GLIS3: variants seen among roughly 807,000 people sequenced by gnomAD.
GLIS3 encodes zinc finger protein GLIS3.
In GLIS3, 53 loss-of-function variants were observed where a neutral mutation model predicts 78.6. The ratio of observed to expected loss-of-function variants is 0.67; its 90% CI spans 0.54 to 0.85. GLIS3 has a LOEUF of 0.85. GLIS3 is among the 40% of genes least tolerant of loss of function. The pLI is 0.00. For synonymous variants in GLIS3, 684 were observed against 509.9 expected, an observed-to-expected ratio of 1.34 and a Z score of -4.60; for missense variants, 1,703 against 1,231.1, an observed-to-expected ratio of 1.38 and a Z score of -5.74.
intron 2 of GLIS3, among the ~76,000 whole-genome samples, chr9:4,146,811 CA>C (rs1232609487): frequency 3.3e-5 from 5 of 152,174 alleles, no homozygotes; most frequent in Admixed American, 1.3e-4. Flanking sequence ...TAGATAAACA[CA>C]GCAAAGAGGA....
At chr9:3,844,109 T>C (rs1025413851) in intron 9 of GLIS3, among the ~76,000 whole-genome samples, 1 of 152,192 alleles carries the variant, frequency 6.6e-6, no homozygotes, top group Non-Finnish European at 1.5e-5. Flanking sequence ...TTGTAACATG[T>C]TGCTGAGCTC....
chr9:4,215,605 T>G (rs1820758015), intron 2 of GLIS3, among the ~76,000 whole-genome samples: 1 of 152,240 alleles, frequency 6.6e-6, no homozygotes. Flanking sequence ...TGCTATCGCC[T>G]GGGTCTATTC....
At chr9:3,906,929 C>T (rs1460673525) in intron 6 of GLIS3, among the ~76,000 whole-genome samples, 4 of 152,160 alleles carry the variant, frequency 2.6e-5, no homozygotes, top group East Asian at 1.9e-4. Flanking sequence ...TCTTCCTGCC[C>T]GGAACGGACT....
intron 1 of GLIS3, among the ~76,000 whole-genome samples, chr9:4,287,674 TG>T (rs1554649032): frequency 6.6e-6 from 1 of 152,146 alleles, no homozygotes; most frequent in Non-Finnish European, 1.5e-5. Flanking sequence ...TTTTTGTGTA[TG>T]ATCCACTCAA....
chr9:4,426,106 A>G, the GLIS3 span, among the ~76,000 whole-genome samples: 1 of 152,190 alleles, frequency 6.6e-6, no homozygotes, highest in Non-Finnish European at 1.5e-5. Flanking sequence ...ACACCCATCC[A>G]TGAGTCCAGA....
In GLIS3 at chr9:4,286,078, C is replaced by A; in HGVS notation, c.348G>T (p.Gln116His). 1 of 1,613,632 alleles carries A rather than the reference C, an allele frequency of 6.2e-7. No individual in the cohort carries two copies. Among genetic ancestry groups the A allele is most frequent in the Non-Finnish European group, 8.5e-7 (1 of 1,179,770 alleles). ...GAGGAAAAGGGCTTCCAAACTCCTGCTGCTTTGGCTTTAAAGTATGTGACC... is the reference window on the plus strand; with the variant it reads ...GAGGAAAAGGGCTTCCAAACTCCTGATGCTTTGGCTTTAAAGTATGTGACC... ...MSGSHTLKPK[Q>H]QEFGSPFPPN... The change falls in exon 2 of 11, where the codon CAG becomes CAT. Residue 116 changes from glutamine (Q) to histidine (H), a missense_variant. Physicochemically the swap from Gln to His is conservative, Grantham distance 24. Transcript: ENST00000381971.
Position 3,826,401 on chromosome 9 carries a change from T to C in GLIS3, c.*1871A>G, listed in dbSNP as rs989197470. 1.3e-5 allele frequency: 2 copies of C among 152,230 alleles called. No individual in the cohort carries two copies. The highest frequency in any genetic ancestry group is 4.8e-5 in the African/African-American group (2 of 41,462). The allele number at this position is 152,230 out of a possible 1,614,324, so 9.4% of individuals were successfully genotyped here. A position where few individuals can be genotyped will look rare whatever the true frequency, so the allele number is the denominator to read the frequency against. ...AAAGTCTGCAGGAAGGGTGGTACTTTACAAGCAGCCTTGGAGTTCACTTGT... is the reference window on the plus strand; with the variant it reads ...AAAGTCTGCAGGAAGGGTGGTACTTCACAAGCAGCCTTGGAGTTCACTTGT... On this transcript the variant is annotated 3_prime_UTR_variant, in exon 11 of 11. Transcript: ENST00000381971.
At chr9:4,335,007 C>G (rs1050528953) in intron 2 of GLIS3, among the ~76,000 whole-genome samples, 1 of 142,502 alleles carries the variant, frequency 7.0e-6, no homozygotes, top group African/African-American at 2.6e-5. Flanking sequence ...CTCCCGGGTT[C>G]ATGCCATTCT....
chr9:3,997,106 G>C (rs888311124), intron 4 of GLIS3, among the ~76,000 whole-genome samples: 6 of 152,196 alleles, frequency 3.9e-5, no homozygotes, highest in Non-Finnish European at 8.8e-5. Flanking sequence ...CCAGCACTTT[G>C]GGAGGCCAAG....
intron 2 of GLIS3, among the ~76,000 whole-genome samples, chr9:4,332,306 G>A (rs907642144): frequency 1.2e-4 from 19 of 152,128 alleles, no homozygotes; most frequent in African/African-American, 4.3e-4. Flanking sequence ...TTTGGAGGCA[G>A]GGACTGTTAA....
intron 2 of GLIS3, among the ~76,000 whole-genome samples, chr9:4,148,415 C>T (rs62521758): frequency 0.25 from 37,597 of 152,008 alleles, 5,753 homozygotes; most frequent in South Asian, 0.38. Context: ...TCAAATGCTA[C>T]CTCCTCCTTG....
chr9:4,026,749 A>G (rs902867729), intron 4 of GLIS3, among the ~76,000 whole-genome samples: 10 of 152,228 alleles, frequency 6.6e-5, no homozygotes, highest in Admixed American at 3.9e-4. Flanking sequence ...ACTTCTACCA[A>G]TATCATTTTA....
the GLIS3 span, among the ~76,000 whole-genome samples, chr9:4,376,840 G>A: frequency 7.4e-6 from 1 of 135,468 alleles, no homozygotes. Context: ...TACAGGCACA[G>A]TCTTTGCAGA....
At chr9:4,165,439 C>T (rs1835806735) in intron 2 of GLIS3, among the ~76,000 whole-genome samples, 1 of 152,208 alleles carries the variant, frequency 6.6e-6, no homozygotes. Context: ...GAAACTCCGT[C>T]TCAAAGACAA....
At chr9:3,887,581 G>C (rs1743107459) in intron 7 of GLIS3, among the ~76,000 whole-genome samples, 1 of 152,126 alleles carries the variant, frequency 6.6e-6, no homozygotes, top group South Asian at 2.1e-4. Flanking sequence ...CTTCTGCGTA[G>C]GCTGCTCAAT....
At chr9:4,284,773 C>A (rs929562645) in intron 2 of GLIS3, among the ~76,000 whole-genome samples, 2 of 151,606 alleles carry the variant, frequency 1.3e-5, no homozygotes, top group South Asian at 4.2e-4. Flanking sequence ...AAAAAATTAG[C>A]CAGGCGTTGT....
intron 4 of GLIS3, among the ~76,000 whole-genome samples, chr9:3,987,725 G>C (rs56108584): frequency 1.8e-4 from 5 of 28,470 alleles, no homozygotes; most frequent in Admixed American, 4.5e-4. Flanking sequence ...GAAAAGAAAA[G>C]AAAAGAAATA....
rs562171760 is a variant in GLIS3, at chr9:4,091,672, C to T, written c.1710+26096G>A. Among the ~76,000 whole-genome samples, 5 of 152,186 alleles carry T rather than the reference C, an allele frequency of 3.3e-5. 1 individual carries two copies. The highest frequency in any genetic ancestry group is 9.6e-5 in the African/African-American group (4 of 41,512). On this transcript the variant is annotated intron_variant, in intron 4 of 10. Coordinates refer to ENST00000381971, the MANE Select transcript of GLIS3 (RefSeq NM_001042413.2). ...CGTATGGCGAGCATCCCCCTTCGCTCGACTCTCACTTCTCCTTCCTGCCAC... is the reference window on the plus strand; with the variant it reads ...CGTATGGCGAGCATCCCCCTTCGCTTGACTCTCACTTCTCCTTCCTGCCAC...
chr9:4,112,995 TC>T, intron 4 of GLIS3, among the ~76,000 whole-genome samples: 2 of 144,690 alleles, frequency 1.4e-5, no homozygotes, highest in Middle Eastern at 3.5e-3. Context: ...ATTTTATTTA[TC>T]TACATAAATC....
Sources: gnomAD v4.1 joint callset for allele counts (sites outside exome capture counted in the v4.1 genomes callset) on GRCh38, gnomAD v4.1.1 for gene constraint, MANE v1.5 for transcripts, NCBI Gene and HGNC (gene_info 2026-07-23, HGNC 2026-07-21) for gene names.